Variants in ITGA11 observed in about 807,000 individuals in gnomAD.
ITGA11 encodes integrin alpha-11.
A neutral mutation model predicts 141.9 loss-of-function variants in ITGA11; 97 were observed. The ratio of observed to expected loss-of-function variants is 0.68; its 90% CI spans 0.58 to 0.81. The LOEUF (loss-of-function observed/expected upper bound fraction) is 0.81, where lower values mean the gene tolerates loss of function less well. ITGA11 is among the 30% of genes least tolerant of loss of function. The pLI is 0.00. For missense variants in ITGA11, 1,387 were observed against 1,559.2 expected, an observed-to-expected ratio of 0.89 and a Z score of 1.86; for synonymous variants, 658 against 624.6, an observed-to-expected ratio of 1.05 and a Z score of -0.80.
In ITGA11 at chr15:68,328,652, C is replaced by G. The variant is rs1440341445; in HGVS notation, c.1902-390G>C. On this transcript the variant is annotated intron_variant, in intron 15 of 29. Transcript: ENST00000315757. The surrounding 1 kb of genome is among the most constrained non-coding windows in gnomAD (Gnocchi z 4.8). ...AAAATCCTGGTGCCTCAGCTACACC[C>G]TAGGCAAAACCACATCAGAATCAGA... is the stretch of plus-strand genomic sequence containing the variant. 6.6e-6 allele frequency among the ~76,000 whole-genome samples: 1 copy of G among 152,188 alleles called. No homozygotes were observed. Among genetic ancestry groups the G allele is most frequent in the Non-Finnish European group, 1.5e-5 (1 of 68,036 alleles).
intron 5 of ITGA11, among the ~76,000 whole-genome samples, chr15:68,359,610 C>T (rs113085713): frequency 1.1e-4 from 16 of 152,270 alleles, no homozygotes; most frequent in Non-Finnish European, 1.5e-4. Flanking sequence ...CGGGCCACTA[C>T]ACTCCAGCCT....
At chr15:68,351,955 C>T (rs903713990) in intron 7 of ITGA11, among the ~76,000 whole-genome samples, 7 of 151,956 alleles carry the variant, frequency 4.6e-5, no homozygotes, top group South Asian at 2.1e-4. Context: ...TGTTGGCATG[C>T]GCCTGTAATC....
chr15:68,334,551 TTTAGAAGAGA>T (rs1406012499), intron 12 of ITGA11, among the ~76,000 whole-genome samples: 1 of 151,692 alleles, frequency 6.6e-6, no homozygotes, highest in African/African-American at 2.4e-5. Context: ...GGATAAAAAA[TTTAGAAGAGA>T]GGAAAGGGAA....
Position 68,335,675 on chromosome 15 carries a change from C to T in ITGA11, c.1425+22G>A. 6.2e-7 allele frequency: 1 copy of T among 1,612,062 alleles called. No homozygotes were observed. Among genetic ancestry groups the T allele is most frequent in the South Asian group, 1.1e-5 (1 of 90,558 alleles). On this transcript the variant is annotated intron_variant, in intron 12 of 29. Coordinates refer to ENST00000315757, the MANE Select transcript of ITGA11 (RefSeq NM_001004439.2). The surrounding 1 kb of genome is among the most constrained non-coding windows in gnomAD (Gnocchi z 4.9). ...CTGCCCCCTCTTCCCTCCATCCCGG[C>T]CCCAGGCTCCCCCTCCATTACCTGC... is the stretch of plus-strand genomic sequence containing the variant.
rs771974487 is a variant in ITGA11 at position 68,332,492 on chromosome 15, T to A, written c.1426-14A>T. ...GTAAGAGCCTATCTGCGGCACGTGA[T>A]GGGAGAGAGGAGTGGGCTGGCTGCC... On this transcript the variant is annotated splice_polypyrimidine_tract_variant and intron_variant, in intron 12 of 29. Coordinates refer to ENST00000315757, the MANE Select transcript of ITGA11 (RefSeq NM_001004439.2). 1 of 1,611,060 alleles carries A rather than the reference T, an allele frequency of 6.2e-7. No individual in the cohort carries two copies. The highest frequency in any genetic ancestry group is 8.5e-7 in the Non-Finnish European group (1 of 1,178,712).
chr15:68,312,792 G>T lies in ITGA11; in HGVS notation c.2954C>A (p.Pro985His). ...CCTCACCCTGAAGATGCAGCTGAAG[G>T]GAGGCCCGATACCATCGTATCTCTC... The part of the protein sequence containing the change: ...SLERYDGIGP[P>H]FSCIFRIQNL... Residue 985 changes from proline (P) to histidine (H), a missense_variant, in exon 24 of 30, where the codon CCC becomes CAC. By Grantham distance (77) the Pro-to-His change is moderately conservative (BLOSUM62 -2). Transcript: ENST00000315757. 6.2e-7 allele frequency: 1 copy of T among 1,613,400 alleles called. No homozygotes were observed. Among genetic ancestry groups the T allele is most frequent in the Non-Finnish European group, 8.5e-7 (1 of 1,179,510 alleles).
chr15:68,315,637 G>A lies in ITGA11; in HGVS notation c.2792+14C>T. 6.2e-7 allele frequency: 1 copy of A among 1,609,712 alleles called. No homozygotes were observed. The highest frequency in any genetic ancestry group is 8.5e-7 in the Non-Finnish European group (1 of 1,176,812). ...TAGCAAGCTTTGGGGAGAAGGAGCA[G>A]GCACGGCCCTGACCTGCCTGCAGCG... On this transcript the variant is annotated intron_variant, in intron 22 of 29. Coordinates refer to ENST00000315757, the MANE Select transcript of ITGA11 (RefSeq NM_001004439.2).
chr15:68,421,631 T>G (rs1416373354), intron 1 of ITGA11, among the ~76,000 whole-genome samples: 1 of 139,092 alleles, frequency 7.2e-6, no homozygotes, highest in Non-Finnish European at 1.5e-5. Context: ...CTTCCTCTTT[T>G]GGGCTGAGCA....
chr15:68,326,871 A>G lies in ITGA11; in HGVS notation c.2069-75T>C. 5.4e-6 allele frequency: 8 copies of G among 1,482,578 alleles called. No homozygotes were observed. Among genetic ancestry groups the G allele is most frequent in the Non-Finnish European group, 7.2e-6 (8 of 1,104,148 alleles). The allele number at this position is 1,482,578 out of a possible 1,614,324, so 91.8% of individuals were successfully genotyped here. ...CCAAGACTGTCTGCCTCCTCCAGGAAGCCCCCCAGGCTGGCCAGGGGAGAG... is the reference window on the plus strand; with the variant it reads ...CCAAGACTGTCTGCCTCCTCCAGGAGGCCCCCCAGGCTGGCCAGGGGAGAG... On this transcript the variant is annotated intron_variant, in intron 16 of 29. Transcript: ENST00000315757. This position sits in a 1 kb window ranked among gnomAD's most constrained non-coding sequence, Gnocchi z 6.8.
chr15:68,415,550 G>A (rs1320184561), intron 1 of ITGA11, among the ~76,000 whole-genome samples: 2 of 152,170 alleles, frequency 1.3e-5, no homozygotes, highest in African/African-American at 2.4e-5. Flanking sequence ...GAAACAGCAC[G>A]TCCCCAGTCC....
chr15:68,431,630 C>T (rs1478165819), intron 1 of ITGA11, among the ~76,000 whole-genome samples: 1 of 152,236 alleles, frequency 6.6e-6, no homozygotes, highest in East Asian at 1.9e-4. Context: ...ATTCCCTTCC[C>T]CAGCCGGGGC....
intron 10 of ITGA11, among the ~76,000 whole-genome samples, chr15:68,346,471 AAG>A (rs762950102): frequency 4.6e-5 from 7 of 152,188 alleles, no homozygotes; most frequent in Non-Finnish European, 8.8e-5. Flanking sequence ...CTGATTATTT[AAG>A]AGTCTTTCTC....
At chr15:68,311,747 G>T (rs554639956) in intron 24 of ITGA11, among the ~76,000 whole-genome samples, 1 of 152,278 alleles carries the variant, frequency 6.6e-6, no homozygotes, top group Admixed American at 6.5e-5. Flanking sequence ...TGAAGATGGT[G>T]ACAGCAATGA....
In ITGA11 at chr15:68,300,123, T is replaced by C. The variant is rs916877955; in HGVS notation, c.*2936A>G. The C allele has an allele frequency of 6.6e-6, 1 of 152,248 alleles. No individual in the cohort carries two copies. The highest frequency in any genetic ancestry group is 2.4e-5 in the African/African-American group (1 of 41,460). 9.4% of individuals were successfully genotyped at this position (152,248 alleles called of 1,614,324 possible). A position where few individuals can be genotyped will look rare whatever the true frequency, so the allele number is the denominator to read the frequency against. ...GCTATTATGTAATATTAAATCCAGATGGCTGTTCTACAAGTTTAATGTGCT... is the reference window on the plus strand; with the variant it reads ...GCTATTATGTAATATTAAATCCAGACGGCTGTTCTACAAGTTTAATGTGCT... On this transcript the variant is annotated 3_prime_UTR_variant, in exon 30 of 30. Coordinates refer to ENST00000315757, the MANE Select transcript of ITGA11 (RefSeq NM_001004439.2).
chr15:68,312,959 C>G, intron 23 of ITGA11, 96 bp from the exon 24 acceptor site: 1 of 848,950 alleles, frequency 1.2e-6, no homozygotes. Flanking sequence ...CCGGCCTCCC[C>G]CGGGCCACGA....
chr15:68,347,179 T>C (rs1894767649), intron 10 of ITGA11, among the ~76,000 whole-genome samples: 3 of 152,198 alleles, frequency 2.0e-5, no homozygotes, highest in African/African-American at 7.2e-5. Context: ...AGCACATGAC[T>C]CTGCTGGCCC....
chr15:68,303,023 C>T lies in ITGA11; in HGVS notation c.*36G>A. ...GTCTCAACACTACCTGGACTGGTGTCCTGGCCCCCATCAACTCAAAGTCTC... is the reference window on the plus strand; with the variant it reads ...GTCTCAACACTACCTGGACTGGTGTTCTGGCCCCCATCAACTCAAAGTCTC... On this transcript the variant is annotated 3_prime_UTR_variant, in exon 30 of 30. Transcript: ENST00000315757. The surrounding 1 kb of genome is among the most constrained non-coding windows in gnomAD (Gnocchi z 5.3). 2 of 1,516,016 alleles carry T rather than the reference C, an allele frequency of 1.3e-6. No individual in the cohort carries two copies. The highest frequency in any genetic ancestry group is 1.2e-5 in the South Asian group (1 of 82,948). 93.9% of individuals were successfully genotyped at this position (1,516,016 alleles called of 1,614,324 possible).
intron 1 of ITGA11, among the ~76,000 whole-genome samples, chr15:68,413,274 G>A (rs1050237892): frequency 2.0e-5 from 3 of 152,104 alleles, no homozygotes; most frequent in Non-Finnish European, 4.4e-5. Flanking sequence ...GGCCCAGAGC[G>A]GGGTAGAAAT....
chr15:68,349,851 G>T (rs989649965), intron 9 of ITGA11, among the ~76,000 whole-genome samples: 1 of 152,208 alleles, frequency 6.6e-6, no homozygotes, highest in Admixed American at 6.5e-5. Context: ...GGGATTAAGG[G>T]TTTCAGAATA....
Sources: gnomAD v4.1 joint callset for allele counts (sites outside exome capture counted in the v4.1 genomes callset) on GRCh38, gnomAD v4.1.1 for gene constraint, Gnocchi (gnomAD v3.1) non-coding constraint, MANE v1.5 for transcripts, NCBI Gene and HGNC (gene_info 2026-07-23, HGNC 2026-07-21) for gene names.